RARB: variants seen among roughly 807,000 people sequenced by gnomAD.
The protein encoded by RARB is retinoic acid receptor beta.
In RARB, 17 loss-of-function variants were observed where a neutral mutation model predicts 51.9. The ratio of observed to expected loss-of-function variants is 0.33; its 90% CI spans 0.22 to 0.49. RARB has a LOEUF of 0.49. Ranked by LOEUF, RARB falls within the 20% of genes least tolerant of loss-of-function variation. The probability of loss-of-function intolerance (pLI) is 0.99; values close to 1 mark genes in which losing one functional copy is unlikely to be tolerated. For synonymous variants in RARB, 215 were observed against 195.4 expected (o/e 1.10, Z -0.84); for missense variants, 369 against 550.8 (o/e 0.67, Z 3.30).
intron 2 of RARB, among the ~76,000 whole-genome samples, chr3:24,936,666 A>C (rs558328206): frequency 1.6e-4 from 25 of 152,382 alleles, no homozygotes; most frequent in South Asian, 1.0e-3. Context: ...AACTGTCATT[A>C]ACATGACATT....
At chr3:25,181,242 G>C (rs573236604) in intron 5 of RARB, among the ~76,000 whole-genome samples, 7 of 152,272 alleles carry the variant, frequency 4.6e-5, no homozygotes, top group South Asian at 2.1e-4. Context: ...TCAGGACCTA[G>C]ATTTTATGAA....
chr3:25,045,327 T>G (rs1358928536), intron 2 of RARB, among the ~76,000 whole-genome samples: 2 of 152,154 alleles, frequency 1.3e-5, no homozygotes, highest in Admixed American at 6.5e-5. Context: ...TTAACAGAGT[T>G]GAGGAAGACT....
chr3:24,971,584 A>C (rs1346545969), intron 2 of RARB, among the ~76,000 whole-genome samples: 2 of 152,066 alleles, frequency 1.3e-5, no homozygotes, highest in Non-Finnish European at 2.9e-5. Context: ...TTTTTAAAAG[A>C]GTGCTGTTTT....
intron 5 of RARB, among the ~76,000 whole-genome samples, chr3:25,248,448 T>C (rs1702622589): frequency 6.6e-6 from 1 of 152,210 alleles, no homozygotes; most frequent in Non-Finnish European, 1.5e-5. Flanking sequence ...CTTTGTTTCT[T>C]TCTCTCCTGT....
At chr3:25,458,089 AT>A (rs1249122879) in intron 1 of RARB, among the ~76,000 whole-genome samples, 2 of 152,250 alleles carry the variant, frequency 1.3e-5, no homozygotes, top group Non-Finnish European at 2.9e-5. Flanking sequence ...GTTTATCAAC[AT>A]GCATTAAAAA....
chr3:25,194,485 A>G (rs1171295778), intron 5 of RARB, among the ~76,000 whole-genome samples: 1 of 150,852 alleles, frequency 6.6e-6, no homozygotes, highest in African/African-American at 2.4e-5. Flanking sequence ...GTGTGTATAT[A>G]TATATATACA....
intron 5 of RARB, among the ~76,000 whole-genome samples, chr3:25,406,495 C>A (rs1286066447): frequency 6.6e-6 from 1 of 152,210 alleles, no homozygotes; most frequent in Non-Finnish European, 1.5e-5. Context: ...CTTCTCACTG[C>A]CTTGTCCTCA....
At chr3:25,562,219 G>A (rs988982238) in intron 3 of RARB, among the ~76,000 whole-genome samples, 1 of 150,996 alleles carries the variant, frequency 6.6e-6, no homozygotes, top group Non-Finnish European at 1.5e-5. Flanking sequence ...AATTGATTAT[G>A]GAAGAGATAC....
intron 1 of RARB, among the ~76,000 whole-genome samples, chr3:25,437,985 T>C (rs905132335): frequency 7.2e-5 from 11 of 152,246 alleles, no homozygotes; most frequent in African/African-American, 2.2e-4. Flanking sequence ...CAATTTATTA[T>C]GACATTATTC....
At chr3:25,051,873 A>G (rs1208090957) in intron 2 of RARB, among the ~76,000 whole-genome samples, 1 of 152,228 alleles carries the variant, frequency 6.6e-6, no homozygotes, top group African/African-American at 2.4e-5. Context: ...AGGTACAAAA[A>G]TGGTGAGAAA....
At chr3:25,095,758 A>C in intron 3 of RARB, among the ~76,000 whole-genome samples, 1 of 152,140 alleles carries the variant, frequency 6.6e-6, no homozygotes, top group East Asian at 1.9e-4. Flanking sequence ...AAAAGGAAAA[A>C]TGGGCCTCTG....
At chr3:24,907,960 C>T (rs1694901986) in intron 2 of RARB, among the ~76,000 whole-genome samples, 1 of 152,046 alleles carries the variant, frequency 6.6e-6, no homozygotes, top group Admixed American at 6.6e-5. Context: ...AATGTTCCCC[C>T]TGCAATTCTA....
Position 25,546,507 on chromosome 3 carries a change from A to G in RARB, c.449-23251A>G, listed in dbSNP as rs1210221560. Among the ~76,000 whole-genome samples, 3 of 152,274 alleles carry G rather than the reference A, an allele frequency of 2.0e-5. 1 individual carries two copies. The highest frequency in any genetic ancestry group is 4.1e-4 in the South Asian group (2 of 4,822). Reference sequence around the variant, plus strand: ...CTCCACCCCTCACACATTCAGGCCCAGTTGCAAGGTAGCTGTGGAAATTGA... The same window carrying G: ...CTCCACCCCTCACACATTCAGGCCCGGTTGCAAGGTAGCTGTGGAAATTGA... On this transcript the variant is annotated intron_variant, in intron 3 of 7. Transcript: ENST00000330688.
At chr3:25,301,780 A>G (rs1704044576) in intron 5 of RARB, among the ~76,000 whole-genome samples, 1 of 152,170 alleles carries the variant, frequency 6.6e-6, no homozygotes, top group East Asian at 1.9e-4. Flanking sequence ...CTTCAGCCAC[A>G]GTGGAAAGTG....
At chr3:25,247,956 G>C (rs1039509533) in intron 5 of RARB, among the ~76,000 whole-genome samples, 1 of 152,166 alleles carries the variant, frequency 6.6e-6, no homozygotes, top group African/African-American at 2.4e-5. Flanking sequence ...TAGATGATCT[G>C]CTTAATGCTG....
intron 5 of RARB, among the ~76,000 whole-genome samples, chr3:25,307,724 G>A (rs1308040840): frequency 1.3e-5 from 2 of 152,160 alleles, no homozygotes; most frequent in East Asian, 3.9e-4. Context: ...TCACTAGAAT[G>A]AGGACGAGGC....
At chr3:25,196,002 T>C (rs370881235) in intron 5 of RARB, among the ~76,000 whole-genome samples, 1 of 152,170 alleles carries the variant, frequency 6.6e-6, no homozygotes, top group East Asian at 1.9e-4. Context: ...CTTCGAGTCA[T>C]TTAAAAATTC....
At chr3:25,314,769 G>T (rs893939826) in intron 5 of RARB, among the ~76,000 whole-genome samples, 1 of 152,184 alleles carries the variant, frequency 6.6e-6, no homozygotes, top group Non-Finnish European at 1.5e-5. Flanking sequence ...GTGACACTGA[G>T]GTTTGGGGTA....
chr3:25,208,023 G>C (rs187140657), intron 5 of RARB, among the ~76,000 whole-genome samples: 12 of 151,758 alleles, frequency 7.9e-5, no homozygotes, highest in Admixed American at 2.0e-4. Context: ...AGAGGGCAAG[G>C]GGGGGAGCAA....
Sources: allele counts gnomAD v4.1 joint callset (sites outside exome capture counted in the v4.1 genomes callset), GRCh38; gene constraint gnomAD v4.1.1; transcripts MANE v1.5; gene names NCBI Gene and HGNC (gene_info 2026-07-23, HGNC 2026-07-21).